Variants in GORASP2 observed in about 807,000 individuals in gnomAD.
The protein encoded by GORASP2 is Golgi reassembly-stacking protein 2.
Under a neutral mutation model 45.7 loss-of-function variants are expected in GORASP2, and 22 were observed. That is an observed-to-expected ratio of 0.48 (90% CI 0.34 to 0.69). GORASP2 has a LOEUF of 0.69. GORASP2 is among the 30% of genes least tolerant of loss of function. The pLI is 0.01. For synonymous variants in GORASP2, 221 were observed against 215.6 expected (o/e 1.02, Z -0.22); for missense variants, 491 against 562.7 (o/e 0.87, Z 1.29).
chr2:170,954,769 A>C lies in GORASP2; in HGVS notation c.686A>C (p.Asp229Ala). The C allele has an allele frequency of 6.2e-7, 1 of 1,612,922 alleles. No individual in the cohort carries two copies. Among genetic ancestry groups the C allele is most frequent in the Non-Finnish European group, 8.5e-7 (1 of 1,179,420 alleles). The change falls in exon 6 of 10, where the codon GAT becomes GCT. Residue 229 changes from aspartate to alanine, a missense_variant. Physicochemically the swap from Asp to Ala is moderately radical, Grantham distance 126. This residue lies in a region of GORASP2 where 297 missense variants were observed against 292.3 expected (regional missense o/e 1.02). Coordinates refer to ENST00000234160, the MANE Select transcript of GORASP2 (RefSeq NM_015530.5). ...MAGTPITPLK[D>A]GFTEVQLSSV... is the part of the protein sequence containing the mutation. ...GGTACACCTATTACACCTCTTAAAG[A>C]TGGGTTTACAGAGGTAAGATCACGT...
chr2:170,954,288 A>G, intron 5 of GORASP2: 1 of 175,024 alleles, frequency 5.7e-6, no homozygotes. Flanking sequence ...AAGGCAGTAA[A>G]CAGACAAGGT....
intron 2 of GORASP2, 98 bp downstream of exon 2, chr2:170,948,528 C>T: frequency 1.5e-6 from 1 of 664,692 alleles, no homozygotes; most frequent in South Asian, 1.8e-5. Context: ...TAGTTACAAT[C>T]ATTATGTGTA....
At chr2:170,941,236 A>G (rs1030432869) in intron 1 of GORASP2, among the ~76,000 whole-genome samples, 2 of 152,148 alleles carry the variant, frequency 1.3e-5, no homozygotes, top group African/African-American at 2.4e-5. Context: ...CTACCTATCC[A>G]TGTTTTGGTA....
At chr2:170,929,846 C>T in intron 1 of GORASP2, 1 of 453,174 alleles carries the variant, frequency 2.2e-6, no homozygotes, top group Non-Finnish European at 4.6e-6. Context: ...AGTCCGGAGG[C>T]GGGGCCTGCG....
intron 1 of GORASP2, among the ~76,000 whole-genome samples, chr2:170,938,263 G>A (rs943848058): frequency 3.9e-5 from 6 of 152,120 alleles, no homozygotes; most frequent in Non-Finnish European, 8.8e-5. Context: ...AACCAGTATC[G>A]TGGCAATACT....
At chr2:170,937,324 C>T (rs531398547) in intron 1 of GORASP2, among the ~76,000 whole-genome samples, 1 of 152,300 alleles carries the variant, frequency 6.6e-6, no homozygotes, top group Non-Finnish European at 1.5e-5. Flanking sequence ...TTCTCCCTCC[C>T]TAGCCTTCCA....
Position 170,956,451 on chromosome 2 carries a change from G to T in GORASP2, c.715G>T (p.Val239Phe), listed in dbSNP as rs577388933. 1.2e-5 allele frequency: 20 copies of T among 1,612,124 alleles called. No individual in the cohort carries two copies. The highest frequency in any genetic ancestry group is 4.5e-5 in the East Asian group (2 of 44,868). The change falls in exon 7 of 10, where the codon GTT (valine) becomes TTT (phenylalanine). Residue 239 changes from valine (V) to phenylalanine (F), a missense_variant. Transcript: ENST00000234160. Reference protein sequence around the residue: ...DGFTEVQLSSVNPPSLSPPGT... With the variant: ...DGFTEVQLSSFNPPSLSPPGT... ...TTTTTGGAAGGTCCAGCTGTCCTCA[G>T]TTAATCCCCCGTCTTTGTCACCACC...
chr2:170,959,122 G>A (rs1399961822), intron 7 of GORASP2, among the ~76,000 whole-genome samples: 6 of 150,146 alleles, frequency 4.0e-5, no homozygotes, highest in Non-Finnish European at 8.9e-5. Context: ...CACCATGCCC[G>A]GCTAATTGTT....
chr2:170,950,674 A>G (rs984697922), intron 4 of GORASP2, among the ~76,000 whole-genome samples: 11 of 152,154 alleles, frequency 7.2e-5, no homozygotes, highest in African/African-American at 1.7e-4. Flanking sequence ...GGAAGTATAC[A>G]TTGCTAAATC....
chr2:170,951,181 A>T, intron 4 of GORASP2, 147 bp from the exon 5 acceptor site: 1 of 590,238 alleles, frequency 1.7e-6, no homozygotes, highest in Non-Finnish European at 2.9e-6. Flanking sequence ...ATTGAATTAA[A>T]CCTGCTTGTG....
intron 1 of GORASP2, among the ~76,000 whole-genome samples, chr2:170,933,682 A>G (rs1325764253): frequency 2.1e-5 from 3 of 142,242 alleles, no homozygotes; most frequent in Non-Finnish European, 4.6e-5. Flanking sequence ...TTTTAAATTA[A>G]AATATTCATA....
At position 170,929,342 on chromosome 2, in the gene GORASP2, TG is replaced by T; in HGVS notation, c.5del (p.Gly2?). 7.2e-7 allele frequency: 1 copy of T among 1,380,388 alleles called. No homozygotes were observed. The highest frequency in any genetic ancestry group is 9.4e-7 in the Non-Finnish European group (1 of 1,066,902). 85.5% of individuals were successfully genotyped at this position (1,380,388 alleles called of 1,614,324 possible). A position where few individuals can be genotyped will look rare whatever the true frequency, so the allele number is the denominator to read the frequency against. [M>X]GSSQSVEIPG... ...CGGCCACACCGATCGCCCGCCGCCATGGGCTCCTCGCAAAGCGTCGAGATCC... is the reference window on the plus strand; with the variant it reads ...CGGCCACACCGATCGCCCGCCGCCATGGCTCCTCGCAAAGCGTCGAGATCC... On this transcript the variant is annotated frameshift_variant and start_lost, in exon 1 of 10. Transcript: ENST00000234160. LOFTEE classifies it high-confidence loss of function.
At chr2:170,950,172 T>A (rs776916325) in intron 3 of GORASP2, 32 bp from the exon 4 acceptor site, 1 of 1,050,662 alleles carries the variant, frequency 9.5e-7, no homozygotes, top group Non-Finnish European at 1.4e-6. Flanking sequence ...TTATATATAT[T>A]AATTTTAGGG....
chr2:170,941,511 C>T (rs1352208005), intron 1 of GORASP2, among the ~76,000 whole-genome samples: 3 of 152,168 alleles, frequency 2.0e-5, no homozygotes, highest in Non-Finnish European at 4.4e-5. Context: ...CCTCTTATCC[C>T]TTTCCAGTGA....
At chr2:170,948,932 G>A (rs907846277) in intron 2 of GORASP2, among the ~76,000 whole-genome samples, 1 of 152,158 alleles carries the variant, frequency 6.6e-6, no homozygotes, top group African/African-American at 2.4e-5. Flanking sequence ...AAAGTTCTAA[G>A]ATAAAGAAAT....
At chr2:170,942,524 A>G (rs1704099960) in intron 1 of GORASP2, among the ~76,000 whole-genome samples, 2 of 152,198 alleles carry the variant, frequency 1.3e-5, no homozygotes, top group Admixed American at 6.5e-5. Flanking sequence ...TAATGTTTTC[A>G]AGATTTATCC....
intron 1 of GORASP2, among the ~76,000 whole-genome samples, chr2:170,945,674 A>G (rs937481800): frequency 2.6e-5 from 4 of 152,320 alleles, no homozygotes; most frequent in South Asian, 2.1e-4. Context: ...TAGGGCAACT[A>G]TTCTTTACTG....
rs377628337 is a variant in GORASP2, at chr2:170,966,043, C to A, written c.1272C>A (p.Thr424=). 2.5e-6 allele frequency: 4 copies of A among 1,613,946 alleles called. No homozygotes were observed. The highest frequency in any genetic ancestry group is 3.4e-6 in the Non-Finnish European group (4 of 1,179,876). Residue 424 remains threonine (T), a synonymous_variant, in exon 10 of 10, where the codon ACC becomes ACA. Coordinates refer to ENST00000234160, the MANE Select transcript of GORASP2 (RefSeq NM_015530.5). ...VTPPTAKAPT[T]VEDRVGDSTP... ...CCCCCACTGCCAAGGCCCCCACCAC[C>A]GTTGAGGACAGAGTCGGCGACTCCA...
At chr2:170,951,492 T>C in intron 5 of GORASP2, 34 bp downstream of exon 5, 3 of 1,518,234 alleles carry the variant, frequency 2.0e-6, no homozygotes, top group Non-Finnish European at 2.7e-6. Context: ...TTATGACTGC[T>C]TAAACATACC....
Sources: gnomAD v4.1 joint callset for allele counts (sites outside exome capture counted in the v4.1 genomes callset) on GRCh38, gnomAD v4.1.1 for gene constraint, gnomAD v4.1.1 regional missense constraint, MANE v1.5 for transcripts, NCBI Gene and HGNC (gene_info 2026-07-23, HGNC 2026-07-21) for gene names.